Variants in FGF20 observed in about 807,000 individuals in gnomAD.
The protein encoded by FGF20 is fibroblast growth factor 20.
Under a neutral mutation model 16.7 loss-of-function variants are expected in FGF20, and 8 were observed. That is an observed-to-expected ratio of 0.48 (90% CI 0.28 to 0.87). FGF20 has a LOEUF of 0.87. Among genes scored for constraint, FGF20 ranks in the 40% least tolerant of loss-of-function variants. The probability of loss-of-function intolerance (pLI) is 0.10; values close to 1 mark genes in which losing one functional copy is unlikely to be tolerated. For synonymous variants in FGF20, 161 were observed against 118.6 expected, an observed-to-expected ratio of 1.36 and a Z score of -2.32; for missense variants, 397 against 281.4, an observed-to-expected ratio of 1.41 and a Z score of -2.94.
At chr8:16,993,365 A>T (rs1365036641) in intron 2 of FGF20, 48 bp from the exon 3 acceptor site, 1 of 1,511,006 alleles carries the variant, frequency 6.6e-7, no homozygotes, top group Non-Finnish European at 8.9e-7. Flanking sequence ...TACCTTTGAG[A>T]TAATTTCCTT....
intron 2 of FGF20, among the ~76,000 whole-genome samples, chr8:16,994,435 CT>C (rs1431602941): frequency 6.6e-6 from 1 of 151,314 alleles, no homozygotes; most frequent in African/African-American, 2.4e-5. Context: ...ACCACAGTTG[CT>C]TTTTTTAAAT....
intron 1 of FGF20, among the ~76,000 whole-genome samples, chr8:16,996,451 G>A (rs1353627998): frequency 6.6e-6 from 1 of 152,164 alleles, no homozygotes; most frequent in Non-Finnish European, 1.5e-5. Flanking sequence ...TGGATGAAAT[G>A]CCTCCCTAAA....
intron 1 of FGF20, among the ~76,000 whole-genome samples, chr8:16,999,398 A>G (rs577431758): frequency 3.2e-4 from 48 of 152,232 alleles, no homozygotes; most frequent in African/African-American, 1.0e-3. Flanking sequence ...AATGAATGTT[A>G]TCAAGTCTAC....
In FGF20 at chr8:17,002,077, G is replaced by A. The variant is rs1389597100; in HGVS notation, c.-45C>T. 1.0e-5 allele frequency: 15 copies of A among 1,483,232 alleles called. No homozygotes were observed. The highest frequency in any genetic ancestry group is 1.2e-5 in the Non-Finnish European group (14 of 1,120,446). The allele number at this position is 1,483,232 out of a possible 1,614,324, so 91.9% of individuals were successfully genotyped here. On this transcript the variant is annotated 5_prime_UTR_variant, in exon 1 of 3. Transcript: ENST00000180166. ...ACAAAAGACCCCCCCAGTAAAGAGTGTTGTGGGGGTGGGATGGAGGTGGAT... is the reference window on the plus strand; with the variant it reads ...ACAAAAGACCCCCCCAGTAAAGAGTATTGTGGGGGTGGGATGGAGGTGGAT...
chr8:16,995,170 T>G (rs906604793), intron 2 of FGF20, among the ~76,000 whole-genome samples: 4 of 152,168 alleles, frequency 2.6e-5, no homozygotes, highest in African/African-American at 4.8e-5. Context: ...AGAAGAACAG[T>G]GTGTTTGCCA....
chr8:16,995,806 A>G, intron 1 of FGF20, 48 bp from the exon 2 acceptor site: 1 of 1,095,262 alleles, frequency 9.1e-7, no homozygotes, highest in Non-Finnish European at 1.4e-6. Flanking sequence ...GTATTTATGC[A>G]TGAGCATATG....
intron 1 of FGF20, among the ~76,000 whole-genome samples, chr8:16,999,781 C>G (rs1325109918): frequency 2.7e-5 from 4 of 150,686 alleles, no homozygotes; most frequent in African/African-American, 9.8e-5. Context: ...CCTCATGATC[C>G]ACCCGCCTCG....
chr8:16,998,886 C>CAAA (rs34706124), intron 1 of FGF20, among the ~76,000 whole-genome samples: 1 of 142,068 alleles, frequency 7.0e-6, no homozygotes, highest in Non-Finnish European at 1.5e-5. Context: ...ATAAAACTGG[C>CAAA]AAAAAAAAAA....
In FGF20 at chr8:17,001,786, C is replaced by A; in HGVS notation, c.247G>T (p.Gly83Cys). The change falls in exon 1 of 3, where the codon GGC becomes TGC. Residue 83 changes from glycine (G) to cysteine (C), a missense_variant. Transcript: ENST00000180166. ...TGFHLQILPD[G>C]SVQGTRQDHS... ...TCCTGCCGGGTGCCCTGCACGCTGCCGTCGGGCAGGATCTGCAGGTGGAAG... is the reference window on the plus strand; with the variant it reads ...TCCTGCCGGGTGCCCTGCACGCTGCAGTCGGGCAGGATCTGCAGGTGGAAG... The A allele has an allele frequency of 6.4e-7, 1 of 1,570,216 alleles. No individual in the cohort carries two copies. The highest frequency in any genetic ancestry group is 8.6e-7 in the Non-Finnish European group (1 of 1,162,270).
intron 1 of FGF20, among the ~76,000 whole-genome samples, chr8:17,001,104 T>C (rs1249568345): frequency 9.0e-6 from 1 of 111,162 alleles, no homozygotes; most frequent in Non-Finnish European, 1.6e-5. Flanking sequence ...TGAGGGAACC[T>C]CAGACAGGTG....
rs376283820 is a variant in FGF20 at position 16,993,124 on chromosome 8, A to T, written c.584T>A (p.Val195Glu). 4 of 1,613,994 alleles carry T rather than the reference A, an allele frequency of 2.5e-6. No homozygotes were observed. The highest frequency in any genetic ancestry group is 2.5e-6 in the Non-Finnish European group (3 of 1,180,004). ...CAATTCTGGAACTCTTTCTGGATCCACTGGTCTAGGTAAGAAATGTGTAAA... is the reference window on the plus strand; with the variant it reads ...CAATTCTGGAACTCTTTCTGGATCCTCTGGTCTAGGTAAGAAATGTGTAAA... ...QKFTHFLPRP[V>E]DPERVPELYK... Residue 195 changes from valine to glutamate, a missense_variant, in exon 3 of 3, where the codon GTG becomes GAG. By Grantham distance (121) the Val-to-Glu change is moderately radical. Coordinates refer to ENST00000180166, the MANE Select transcript of FGF20 (RefSeq NM_019851.3).
At chr8:16,996,687 G>A (rs1810056306) in intron 1 of FGF20, among the ~76,000 whole-genome samples, 1 of 152,096 alleles carries the variant, frequency 6.6e-6, no homozygotes, top group Admixed American at 6.6e-5. Flanking sequence ...AGTCAATAAA[G>A]GGCATTTGTT....
intron 2 of FGF20, among the ~76,000 whole-genome samples, chr8:16,993,584 G>T (rs1016003176): frequency 1.8e-4 from 28 of 152,126 alleles, no homozygotes; most frequent in Middle Eastern, 6.8e-3. Context: ...CACGGACCAG[G>T]ATGGGGACAC....
At chr8:16,997,586 A>G (rs1810084942) in intron 1 of FGF20, among the ~76,000 whole-genome samples, 1 of 152,212 alleles carries the variant, frequency 6.6e-6, no homozygotes, top group African/African-American at 2.4e-5. Flanking sequence ...GATCATGTAG[A>G]ACACTAGAGC....
chr8:17,001,859 C>A lies in FGF20; in HGVS notation c.174G>T (p.Ala58=). The A allele has an allele frequency of 6.7e-7, 1 of 1,484,802 alleles. No homozygotes were observed. The highest frequency in any genetic ancestry group is 8.9e-7 in the Non-Finnish European group (1 of 1,119,340). The allele number at this position is 1,484,802 out of a possible 1,614,324, so 92.0% of individuals were successfully genotyped here. A position where few individuals can be genotyped will look rare whatever the true frequency, so the allele number is the denominator to read the frequency against. ...ARGGPGAAQL[A]HLHGILRRRQ... is the part of the protein sequence containing the mutation. Reference sequence around the variant, plus strand: ...GGCGGCGCAGGATGCCGTGCAGGTGCGCCAGCTGCGCAGCCCCCGGCCCGC... The same window carrying A: ...GGCGGCGCAGGATGCCGTGCAGGTGAGCCAGCTGCGCAGCCCCCGGCCCGC... The change falls in exon 1 of 3, where the codon GCG becomes GCT. Residue 58 remains alanine (A), a synonymous_variant. Coordinates refer to ENST00000180166, the MANE Select transcript of FGF20 (RefSeq NM_019851.3).
chr8:16,993,444 CTTTAT>C (rs1235061968), intron 2 of FGF20, 127 bp from the exon 3 acceptor site: 10 of 1,018,620 alleles, frequency 9.8e-6, no homozygotes, highest in South Asian at 1.7e-5. Flanking sequence ...ATTGGTTTTG[CTTTAT>C]TTTGTTTTAG....
At position 16,993,101 on chromosome 8, in the gene FGF20, A is replaced by T. The variant is rs1208432532; in HGVS notation, c.607T>A (p.Leu203Met). 2 of 1,614,082 alleles carry T rather than the reference A, an allele frequency of 1.2e-6. No individual in the cohort carries two copies. The highest frequency in any genetic ancestry group is 3.3e-5 in the Admixed American group (2 of 60,012). The change falls in exon 3 of 3, where the codon TTG (leucine) becomes ATG (methionine). Residue 203 changes from leucine to methionine, a missense_variant. Transcript: ENST00000180166. ...RPVDPERVPE[L>M]YKDLLMYT ...GTGTACATCAGTAGGTCCTTGTACA[A>T]TTCTGGAACTCTTTCTGGATCCACT...
chr8:16,993,864 G>A lies in FGF20; in HGVS notation c.391-547C>T, dbSNP rs189415628. ...CACAATAGGGTTCATGCTCCTATGAGAATTTAATGCTGCCGCTGATCTCAC... is the reference window on the plus strand; with the variant it reads ...CACAATAGGGTTCATGCTCCTATGAAAATTTAATGCTGCCGCTGATCTCAC... On this transcript the variant is annotated intron_variant, in intron 2 of 2. Transcript: ENST00000180166. Among the ~76,000 whole-genome samples, 4 of 152,246 alleles carry A rather than the reference G, an allele frequency of 2.6e-5. No homozygotes were observed. The East Asian group carries it at 7.7e-4, about 29-fold the overall frequency.
intron 2 of FGF20, 30 bp from the exon 3 acceptor site, chr8:16,993,347 T>TA (rs756331636): frequency 1.8e-5 from 28 of 1,553,894 alleles, no homozygotes; most frequent in African/African-American, 2.8e-5. Flanking sequence ...TATTATTTTT[T>TA]AAAAAAATAC....
Sources: allele counts gnomAD v4.1 joint callset (sites outside exome capture counted in the v4.1 genomes callset), GRCh38; gene constraint gnomAD v4.1.1; transcripts MANE v1.5; gene names NCBI Gene and HGNC (gene_info 2026-07-23, HGNC 2026-07-21).